KAZN: variants seen among roughly 807,000 people sequenced by gnomAD.
KAZN encodes kazrin, periplakin interacting protein.
In KAZN, 40 loss-of-function variants were observed where a neutral mutation model predicts 87.4. That is an observed-to-expected ratio of 0.46 (90% CI 0.36 to 0.60). The LOEUF (loss-of-function observed/expected upper bound fraction) is 0.60. Among genes scored for constraint, KAZN ranks in the 20% least tolerant of loss-of-function variants. KAZN has a pLI of 0.00. For synonymous variants in KAZN, 466 were observed against 458.3 expected, an observed-to-expected ratio of 1.02 and a Z score of -0.22; for missense variants, 898 against 1,073.9, an observed-to-expected ratio of 0.84 and a Z score of 2.29.
chr1:14,317,886 T>G (rs976008499), intron 2 of KAZN, among the ~76,000 whole-genome samples: 1 of 152,078 alleles, frequency 6.6e-6, no homozygotes, highest in African/African-American at 2.4e-5. Flanking sequence ...GAGGAGTTAT[T>G]GCACTTTATT....
At chr1:14,688,028 C>G (rs1470277688) in intron 1 of KAZN, among the ~76,000 whole-genome samples, 1 of 152,176 alleles carries the variant, frequency 6.6e-6, no homozygotes, top group Non-Finnish European at 1.5e-5. Flanking sequence ...CCAGCATGCA[C>G]TTCTGATATA....
intron 1 of KAZN, among the ~76,000 whole-genome samples, chr1:13,971,402 T>C (rs1321122782): frequency 6.6e-6 from 1 of 152,144 alleles, no homozygotes; most frequent in African/African-American, 2.4e-5. Context: ...CAACGGGCAT[T>C]GAATTGGAGG....
At chr1:14,046,983 G>A (rs1642104134) in intron 1 of KAZN, among the ~76,000 whole-genome samples, 1 of 152,168 alleles carries the variant, frequency 6.6e-6, no homozygotes, top group African/African-American at 2.4e-5. Flanking sequence ...GGCACCTTAT[G>A]AGCCTTTTGA....
At chr1:14,209,153 A>G (rs977897949) in intron 2 of KAZN, among the ~76,000 whole-genome samples, 1 of 152,218 alleles carries the variant, frequency 6.6e-6, no homozygotes, top group Non-Finnish European at 1.5e-5. Context: ...AGCCGTGGTT[A>G]CCCAGATCCC....
At chr1:14,227,086 A>G (rs1253548336) in intron 2 of KAZN, among the ~76,000 whole-genome samples, 1 of 152,066 alleles carries the variant, frequency 6.6e-6, no homozygotes, top group Non-Finnish European at 1.5e-5. Flanking sequence ...CAGACAGAAG[A>G]AGAAACAATG....
intron 1 of KAZN, among the ~76,000 whole-genome samples, chr1:14,929,494 T>C (rs111954008): frequency 4.0e-4 from 61 of 152,258 alleles, no homozygotes; most frequent in African/African-American, 1.3e-3. Context: ...AAGAGGAAAA[T>C]AGCACCCCTG....
rs1360065397 is a variant in KAZN at position 15,081,011 on chromosome 1, A to G, written c.1223-13169A>G. Among the ~76,000 whole-genome samples, 1 of 152,262 alleles carries G rather than the reference A, an allele frequency of 6.6e-6. No individual in the cohort carries two copies. The highest frequency in any genetic ancestry group is 1.5e-5 in the Non-Finnish European group (1 of 68,042). ...AGTTCAGAGGCCTTGCCGTAGGCAG[A>G]GGGACAAGAGAATGGTAGCATCTAC... On this transcript the variant is annotated intron_variant, in intron 8 of 14. Transcript: ENST00000376030. The surrounding 1 kb of genome is among the most constrained non-coding windows in gnomAD (Gnocchi z 4.1).
At chr1:14,626,256 T>C (rs977331410) in intron 1 of KAZN, among the ~76,000 whole-genome samples, 2 of 152,232 alleles carry the variant, frequency 1.3e-5, no homozygotes, top group African/African-American at 4.8e-5. Flanking sequence ...GTTATTGAAA[T>C]TCATGAGTTT....
At chr1:14,287,617 C>G (rs150028009) in intron 2 of KAZN, among the ~76,000 whole-genome samples, 1 of 152,278 alleles carries the variant, frequency 6.6e-6, no homozygotes, top group East Asian at 1.9e-4. Context: ...ACAATCATGT[C>G]ATTTGCAAAC....
chr1:14,997,213 A>G (rs1037582407), intron 2 of KAZN, among the ~76,000 whole-genome samples: 1 of 75,914 alleles, frequency 1.3e-5, no homozygotes, highest in Non-Finnish European at 2.4e-5. Flanking sequence ...TCATTTATTT[A>G]TTTATTTATT....
At chr1:15,102,142 C>G (rs1218037712) in intron 11 of KAZN, among the ~76,000 whole-genome samples, 1 of 152,048 alleles carries the variant, frequency 6.6e-6, no homozygotes, top group Non-Finnish European at 1.5e-5. Context: ...GGGAGATTGT[C>G]CCAGTGAGGG....
rs772592816 is a variant in KAZN at position 15,115,367 on chromosome 1, G to A, written c.*732G>A. ...TGGGGCTTAGCAGCCACATTTCTAG[G>A]AGATGCAGATATCCTATCACCAGAA... On this transcript the variant is annotated 3_prime_UTR_variant, in exon 15 of 15. Coordinates refer to ENST00000376030, the MANE Select transcript of KAZN (RefSeq NM_201628.3). The surrounding 1 kb of genome is among the most constrained non-coding windows in gnomAD (Gnocchi z 4.1). The A allele has an allele frequency of 3.9e-5, 6 of 152,238 alleles. No individual in the cohort carries two copies. The highest frequency in any genetic ancestry group is 8.8e-5 in the Non-Finnish European group (6 of 68,074). 9.4% of individuals were successfully genotyped at this position (152,238 alleles called of 1,614,324 possible). A position where few individuals can be genotyped will look rare whatever the true frequency, so the allele number is the denominator to read the frequency against.
intron 3 of KAZN, among the ~76,000 whole-genome samples, chr1:15,042,477 G>A (rs551319570): frequency 1.3e-5 from 2 of 152,324 alleles, no homozygotes; most frequent in Admixed American, 6.5e-5. Context: ...GGAGACAATT[G>A]AGCAGGGATC....
rs1428879546 is a variant in KAZN, at chr1:15,116,332, A to T, written c.*1697A>T. 1 of 152,182 alleles carries T rather than the reference A, an allele frequency of 6.6e-6. No homozygotes were observed. The highest frequency in any genetic ancestry group is 2.4e-5 in the African/African-American group (1 of 41,440). The allele number at this position is 152,182 out of a possible 1,614,324, so 9.4% of individuals were successfully genotyped here. A position where few individuals can be genotyped will look rare whatever the true frequency, so the allele number is the denominator to read the frequency against. ...GGGAAGCCGAGCTCTGATGAACTTG[A>T]GAATTACACCTCTCTCATGCCGAAG... On this transcript the variant is annotated 3_prime_UTR_variant, in exon 15 of 15. Transcript: ENST00000376030.
In KAZN at chr1:14,945,024, C is replaced by G. The variant is rs138660027; in HGVS notation, c.227-15660C>G. On this transcript the variant is annotated intron_variant, in intron 1 of 14. Coordinates refer to ENST00000376030, the MANE Select transcript of KAZN (RefSeq NM_201628.3). ...GGACAAAGTACCGCAGGGGACAGCA[C>G]CAGGCTGCACGGAGGCTCATGGCCC... Among the ~76,000 whole-genome samples, 80 of 152,328 alleles carry G rather than the reference C, an allele frequency of 5.3e-4. 1 individual carries two copies. Among genetic ancestry groups the G allele is most frequent in the Admixed American group, 5.2e-4 (8 of 15,310 alleles).
intron 1 of KAZN, among the ~76,000 whole-genome samples, chr1:14,864,365 C>T (rs891693180): frequency 8.6e-5 from 13 of 151,956 alleles, no homozygotes; most frequent in Non-Finnish European, 4.4e-5. Flanking sequence ...GAGTTCGAGA[C>T]CAGCCTGGCC....
rs34561318 is a variant in KAZN, at chr1:14,335,760, CAGAG to C, written c.249+155187_249+155190del. ...GTGCATGTGCGCGCACACACACACA[CAGAG>C]AGAGAGAGAGAGAGAGAGGCAGAAA... On this transcript the variant is annotated intron_variant, in intron 2 of 16. Transcript: ENST00000636203. Among the ~76,000 whole-genome samples, 676 of 149,250 alleles carry C rather than the reference CAGAG, an allele frequency of 4.5e-3. 3 individuals carry two copies. The highest frequency in any genetic ancestry group is 0.012 in the African/African-American group (472 of 40,820).
intron 1 of KAZN, among the ~76,000 whole-genome samples, chr1:14,806,117 C>A (rs1646211556): frequency 6.6e-6 from 1 of 152,198 alleles, no homozygotes; most frequent in African/African-American, 2.4e-5. Context: ...CACCAGGGCC[C>A]TGGGACCACT....
At chr1:14,595,108 T>C (rs568511877), upstream of KAZN, among the ~76,000 whole-genome samples, 43 of 150,852 alleles carry the variant, frequency 2.9e-4, no homozygotes, top group South Asian at 5.3e-3. Flanking sequence ...CACACCACTA[T>C]GCTCCAGCCT....
Sources: gnomAD v4.1 joint callset for allele counts (sites outside exome capture counted in the v4.1 genomes callset) on GRCh38, gnomAD v4.1.1 for gene constraint, Gnocchi (gnomAD v3.1) non-coding constraint, MANE v1.5 for transcripts, NCBI Gene and HGNC (gene_info 2026-07-23, HGNC 2026-07-21) for gene names.